SLC36A1: variants seen among roughly 807,000 people sequenced by gnomAD.
The protein encoded by SLC36A1 is proton-coupled amino acid transporter 1.
In SLC36A1, 30 loss-of-function variants were observed where a neutral mutation model predicts 47.5. The observed-to-expected ratio is 0.63, with a 90% CI of 0.47 to 0.86. SLC36A1 has a LOEUF of 0.86. Among genes scored for constraint, SLC36A1 ranks in the 40% least tolerant of loss-of-function variants. SLC36A1 has a pLI of 0.00. For synonymous variants in SLC36A1, 255 were observed against 249.7 expected (o/e 1.02, Z -0.20); for missense variants, 517 against 606.0 (o/e 0.85, Z 1.54).
the SLC36A1 span, among the ~76,000 whole-genome samples, chr5:151,345,382 C>T: frequency 1.3e-5 from 2 of 152,304 alleles, no homozygotes; most frequent in South Asian, 2.1e-4. Context: ...GCAACGTGTT[C>T]AACTTTGTTG....
chr5:151,458,329 T>TATATAC (rs1754958098), intron 1 of SLC36A1, among the ~76,000 whole-genome samples: 3 of 113,072 alleles, frequency 2.7e-5, no homozygotes, highest in African/African-American at 9.2e-5. Flanking sequence ...TATATATATA[T>TATATAC]ATATGGGATA....
At chr5:151,554,562 C>T in the SLC36A1 span, 1 of 1,614,076 alleles carries the variant, frequency 6.2e-7, no homozygotes, top group Admixed American at 1.7e-5. Flanking sequence ...GGAAGGCGGA[C>T]ATTGAAGAGC....
the SLC36A1 span, among the ~76,000 whole-genome samples, chr5:151,357,596 G>A: frequency 2.6e-5 from 4 of 152,194 alleles, no homozygotes; most frequent in African/African-American, 7.2e-5. Context: ...TTAGAAAAAA[G>A]GTTTTATTGG....
At chr5:151,450,704 TCAC>T (rs1753523930) in intron 1 of SLC36A1, among the ~76,000 whole-genome samples, 1 of 152,244 alleles carries the variant, frequency 6.6e-6, no homozygotes, top group Admixed American at 6.5e-5. Context: ...TTTCTTTTTA[TCAC>T]CACCACCTCC....
the SLC36A1 span, among the ~76,000 whole-genome samples, chr5:151,533,007 C>G: frequency 6.6e-6 from 1 of 152,190 alleles, no homozygotes; most frequent in African/African-American, 2.4e-5. Flanking sequence ...CTGGTCAAAC[C>G]ACACCTGGAT....
chr5:151,483,383 C>T (rs1019194496), intron 10 of SLC36A1, among the ~76,000 whole-genome samples: 2 of 152,178 alleles, frequency 1.3e-5, no homozygotes, highest in Non-Finnish European at 2.9e-5. Flanking sequence ...CTTGACTAAT[C>T]ATGTGGTCGA....
the SLC36A1 span, chr5:151,531,657 G>A: frequency 6.2e-6 from 10 of 1,613,612 alleles, no homozygotes; most frequent in South Asian, 7.7e-5. This position sits in a 1 kb window ranked among gnomAD's most constrained non-coding sequence, Gnocchi z 5.7. Context: ...TCTTCTCTGC[G>A]CCCGGGCGAG....
chr5:151,546,600 G>C, the SLC36A1 span, among the ~76,000 whole-genome samples: 1 of 152,142 alleles, frequency 6.6e-6, no homozygotes, highest in African/African-American at 2.4e-5. Context: ...GCTATAGCAG[G>C]TCTTTGAAAC....
chr5:151,375,819 A>C, the SLC36A1 span, among the ~76,000 whole-genome samples: 1 of 152,182 alleles, frequency 6.6e-6, no homozygotes, highest in African/African-American at 2.4e-5. Flanking sequence ...TAGAAATGCT[A>C]CTGATTTTTG....
chr5:151,552,844 T>C, the SLC36A1 span, among the ~76,000 whole-genome samples: 1 of 152,140 alleles, frequency 6.6e-6, no homozygotes, highest in Non-Finnish European at 1.5e-5. Flanking sequence ...GATTTTCACA[T>C]TGAGGTAGGA....
the SLC36A1 span, among the ~76,000 whole-genome samples, chr5:151,359,833 T>C: frequency 1.3e-5 from 2 of 152,250 alleles, no homozygotes; most frequent in African/African-American, 4.8e-5. Context: ...GGTTCATCCA[T>C]GCTGTAGAAA....
chr5:151,364,211 T>C, the SLC36A1 span, among the ~76,000 whole-genome samples: 1 of 152,202 alleles, frequency 6.6e-6, no homozygotes, highest in African/African-American at 2.4e-5. Context: ...ACTCATGACC[T>C]ACCTAGCTTT....
the SLC36A1 span, chr5:151,545,590 C>T: frequency 3.1e-6 from 5 of 1,613,938 alleles, no homozygotes; most frequent in Non-Finnish European, 4.2e-6. Flanking sequence ...TACAGGGCTT[C>T]CTTGGTCATG....
the SLC36A1 span, among the ~76,000 whole-genome samples, chr5:151,356,516 A>G: frequency 6.6e-6 from 1 of 151,994 alleles, no homozygotes; most frequent in African/African-American, 2.4e-5. Context: ...CTTAGGAACT[A>G]CGTGTGTTGG....
At chr5:151,516,307 C>G in the SLC36A1 span, among the ~76,000 whole-genome samples, 2 of 152,122 alleles carry the variant, frequency 1.3e-5, no homozygotes, top group East Asian at 3.9e-4. Context: ...GCCAGGAGTT[C>G]AAGACCAGCC....
chr5:151,546,474 A>G, the SLC36A1 span: 4 of 616,818 alleles, frequency 6.5e-6, no homozygotes, highest in African/African-American at 3.7e-5. Flanking sequence ...CACCCTGGAT[A>G]TAGTGTATAG....
chr5:151,360,087 C>G, the SLC36A1 span, among the ~76,000 whole-genome samples: 1 of 152,024 alleles, frequency 6.6e-6, no homozygotes, highest in Non-Finnish European at 1.5e-5. Flanking sequence ...ATACTTGATT[C>G]TTTTTAAAAT....
chr5:151,495,598 C>T (rs751116680), downstream of SLC36A1, among the ~76,000 whole-genome samples: 2 of 152,064 alleles, frequency 1.3e-5, no homozygotes, highest in Non-Finnish European at 2.9e-5. Context: ...ACACCACCAC[C>T]ACAATCTAGA....
At chr5:151,456,019 G>A (rs949202874) in intron 1 of SLC36A1, among the ~76,000 whole-genome samples, 22 of 152,240 alleles carry the variant, frequency 1.4e-4, no homozygotes, top group African/African-American at 5.3e-4. Flanking sequence ...AGGGGGGAGT[G>A]ACACATGACT....
Sources: gnomAD v4.1 joint callset for allele counts (sites outside exome capture counted in the v4.1 genomes callset) on GRCh38, gnomAD v4.1.1 for gene constraint, Gnocchi (gnomAD v3.1) non-coding constraint, MANE v1.5 for transcripts, NCBI Gene and HGNC (gene_info 2026-07-23, HGNC 2026-07-21) for gene names.